The following TARBP1 variants were observed in gnomAD, a reference collection of about 807,000 sequenced individuals.
TARBP1 encodes the protein tRNA (guanosine(18)-2'-O)-methyltransferase TARBP1.
In TARBP1, 144 loss-of-function variants were observed where a neutral mutation model predicts 178.6. The ratio of observed to expected loss-of-function variants is 0.81; its 90% CI spans 0.70 to 0.93. The LOEUF (loss-of-function observed/expected upper bound fraction) is 0.93, where lower values mean the gene tolerates loss of function less well. TARBP1 is among the 40% of genes least tolerant of loss of function. TARBP1 has a pLI of 0.00. For synonymous variants in TARBP1, 787 were observed against 781.0 expected (o/e 1.01, Z -0.13); for missense variants, 2,067 against 2,011.7 (o/e 1.03, Z -0.53).
intron 22 of TARBP1, among the ~76,000 whole-genome samples, chr1:234,413,585 G>C (rs1212793646): frequency 2.0e-5 from 3 of 152,196 alleles, no homozygotes; most frequent in Non-Finnish European, 2.9e-5. Context: ...ACCACACAGA[G>C]AGACTAGAGA....
intron 28 of TARBP1, 52 bp downstream of exon 28, chr1:234,393,310 A>G: frequency 7.2e-7 from 1 of 1,394,784 alleles, no homozygotes; most frequent in Admixed American, 2.5e-5. Context: ...GTTCACGGGT[A>G]CATGTGCGGG....
chr1:234,433,489 C>T lies in TARBP1; in HGVS notation c.2315G>A (p.Arg772Lys). 1 of 1,614,066 alleles carries T rather than the reference C, an allele frequency of 6.2e-7. No individual in the cohort carries two copies. Among genetic ancestry groups the T allele is most frequent in the Non-Finnish European group, 8.5e-7 (1 of 1,179,992 alleles). ...INLHLKVGWK[R>K]GNPIWRVISL... ...AATAACTCTCCAGATAGGGTTACCC[C>T]TTTTCCACCCAACCTTCAAATGCAG... Residue 772 changes from arginine to lysine, a missense_variant, in exon 14 of 30, where the codon AGG (arginine) becomes AAG (lysine). Coordinates refer to ENST00000040877, the MANE Select transcript of TARBP1 (RefSeq NM_005646.4).
chr1:234,471,463 C>G (rs4920252), intron 2 of TARBP1, among the ~76,000 whole-genome samples: 21 of 152,018 alleles, frequency 1.4e-4, no homozygotes, highest in Non-Finnish European at 5.9e-5. Flanking sequence ...AACCACATTA[C>G]AGCTACATTA....
In TARBP1 at chr1:234,427,657, C is replaced by T. The variant is rs765575331; in HGVS notation, c.3170G>A (p.Gly1057Glu). Residue 1057 changes from glycine to glutamate, a missense_variant, in exon 18 of 30, where the codon GGA (glycine) becomes GAA (glutamate). Transcript: ENST00000040877. ...ATAATTTTTAGCACTTGATAAAGAT[C>T]CTTGGGACACATTTGAAGCAGACAC... Reference protein sequence around the residue: ...WIVSASNVSQGSLSSAKNYSE... With the variant: ...WIVSASNVSQESLSSAKNYSE... The T allele has an allele frequency of 1.1e-5, 18 of 1,591,000 alleles. No homozygotes were observed. The highest frequency in any genetic ancestry group is 1.4e-5 in the Non-Finnish European group (17 of 1,173,320).
chr1:234,461,335 C>T (rs1216419031), intron 6 of TARBP1, among the ~76,000 whole-genome samples: 1 of 152,160 alleles, frequency 6.6e-6, no homozygotes, highest in East Asian at 1.9e-4. Context: ...GACAGAGTCT[C>T]ACTCTGTTGC....
intron 17 of TARBP1, 30 bp downstream of exon 17, chr1:234,429,106 G>T (rs1472985800): frequency 6.5e-7 from 1 of 1,528,338 alleles, no homozygotes; most frequent in Non-Finnish European, 8.7e-7. Context: ...CACATGAAAA[G>T]AAAAGCAAAA....
At chr1:234,408,671 G>A (rs1315693833) in intron 23 of TARBP1, among the ~76,000 whole-genome samples, 2 of 151,950 alleles carry the variant, frequency 1.3e-5, no homozygotes, top group East Asian at 3.9e-4. Flanking sequence ...AACTGACTTA[G>A]CACAAAAGGA....
intron 3 of TARBP1, among the ~76,000 whole-genome samples, chr1:234,469,780 T>C (rs375314821): frequency 1.3e-5 from 2 of 152,402 alleles, no homozygotes; most frequent in Non-Finnish European, 2.9e-5. Flanking sequence ...TCCAGCTTCA[T>C]TGTGTATCTC....
intron 12 of TARBP1, among the ~76,000 whole-genome samples, chr1:234,444,093 T>A (rs1268781861): frequency 6.6e-6 from 1 of 152,200 alleles, no homozygotes. Context: ...TACACTTAAA[T>A]ATAGTGAAAA....
In TARBP1 at chr1:234,478,627, T is replaced by C. The variant is rs1372541439; in HGVS notation, c.477A>G (p.Leu159=). Reference sequence around the variant, plus strand: ...CGGCGGTCCCCGCCACGCGCTCCAGTAGCGGCCCGTCCTCGCGGGGCCGCA... The same window carrying C: ...CGGCGGTCCCCGCCACGCGCTCCAGCAGCGGCCCGTCCTCGCGGGGCCGCA... ...PCLRPREDGP[L]LERVAGTAVA... The change falls in exon 1 of 30, where the codon CTA becomes CTG. Residue 159 remains leucine (L), a synonymous_variant. Coordinates refer to ENST00000040877, the MANE Select transcript of TARBP1 (RefSeq NM_005646.4). 7.7e-7 allele frequency: 1 copy of C among 1,301,004 alleles called. No homozygotes were observed. The highest frequency in any genetic ancestry group is 2.0e-5 in the South Asian group (1 of 49,240). The allele number at this position is 1,301,004 out of a possible 1,614,324, so 80.6% of individuals were successfully genotyped here.
intron 20 of TARBP1, 39 bp from the exon 21 acceptor site, chr1:234,420,851 T>G: frequency 3.3e-6 from 4 of 1,213,878 alleles, no homozygotes; most frequent in Non-Finnish European, 4.8e-6. Context: ...TTAAATTATC[T>G]ATTGAATTTG....
At chr1:234,407,754 C>A (rs1424472070) in intron 23 of TARBP1, 1 of 152,184 alleles carries the variant, frequency 6.6e-6, no homozygotes, top group Non-Finnish European at 1.5e-5. Flanking sequence ...CAGCTTCAGC[C>A]ACTGGGAACA....
intron 22 of TARBP1, among the ~76,000 whole-genome samples, chr1:234,416,892 C>T (rs901646881): frequency 1.3e-5 from 2 of 152,132 alleles, no homozygotes; most frequent in African/African-American, 4.8e-5. Flanking sequence ...ATGGGCTTTA[C>T]TATGCTAAGG....
chr1:234,425,532 C>A (rs1663641382), intron 20 of TARBP1, 141 bp downstream of exon 20: 1 of 945,962 alleles, frequency 1.1e-6, no homozygotes, highest in African/African-American at 1.7e-5. Flanking sequence ...CTAATCAAGA[C>A]TGAATTAAAA....
In TARBP1 at chr1:234,427,372, G is replaced by GT; in HGVS notation, c.3267dup (p.Gln1090ThrfsTer10). The stretch of plus-strand genomic sequence containing the variant: ...TGTCCAAGGTTTTCTATGAAGGTCT[G>GT]TACATCCTGAACAAGTCTTTCCATA... On this transcript the variant is annotated frameshift_variant, in exon 19 of 30. Coordinates refer to ENST00000040877, the MANE Select transcript of TARBP1 (RefSeq NM_005646.4). LOFTEE classifies it high-confidence loss of function. 1 of 1,610,864 alleles carries GT rather than the reference G, an allele frequency of 6.2e-7. No homozygotes were observed.
intron 21 of TARBP1, among the ~76,000 whole-genome samples, chr1:234,418,742 T>C (rs757781423): frequency 1.3e-5 from 2 of 152,230 alleles, no homozygotes; most frequent in Non-Finnish European, 2.9e-5. Context: ...CGCACTGTTC[T>C]CTGGCTAAGA....
chr1:234,459,772 A>T (rs1031557603), intron 7 of TARBP1, among the ~76,000 whole-genome samples: 11 of 150,450 alleles, frequency 7.3e-5, no homozygotes, highest in African/African-American at 2.7e-4. Flanking sequence ...AGATCGCACC[A>T]CTGCACTCCA....
intron 8 of TARBP1, among the ~76,000 whole-genome samples, chr1:234,458,531 G>T (rs572900167): frequency 6.6e-6 from 1 of 152,134 alleles, no homozygotes. Flanking sequence ...TATAGCCAAC[G>T]CCTGTTTATT....
chr1:234,433,339 T>A (rs1360794211), intron 14 of TARBP1, 71 bp downstream of exon 14: 3 of 1,468,174 alleles, frequency 2.0e-6, no homozygotes, highest in Admixed American at 2.0e-5. Flanking sequence ...AAATAGTGTA[T>A]AAGAACTGAA....
Sources: gnomAD v4.1 joint callset for allele counts (sites outside exome capture counted in the v4.1 genomes callset) on GRCh38, gnomAD v4.1.1 for gene constraint, MANE v1.5 for transcripts, NCBI Gene and HGNC (gene_info 2026-07-23, HGNC 2026-07-21) for gene names.